The following DCAF6 variants were observed in gnomAD, a reference collection of about 807,000 sequenced individuals.
The protein encoded by DCAF6 is DDB1- and CUL4-associated factor 6.
A neutral mutation model predicts 125.1 loss-of-function variants in DCAF6; 54 were observed. The observed-to-expected ratio is 0.43, with a 90% CI of 0.35 to 0.54. The LOEUF (loss-of-function observed/expected upper bound fraction) is 0.54. DCAF6 is among the 20% of genes least tolerant of loss of function. The pLI, the probability that DCAF6 is intolerant of heterozygous loss-of-function variation, is 0.01. For missense variants in DCAF6, 934 were observed against 1,161.7 expected (o/e 0.80, Z 2.85); for synonymous variants, 371 against 390.4 (o/e 0.95, Z 0.58).
the DCAF6 span, chr1:167,916,904 T>C: frequency 6.6e-6 from 1 of 152,238 alleles, no homozygotes; most frequent in Non-Finnish European, 1.5e-5. Flanking sequence ...AACCTCTTCA[T>C]TGTGGCCTAT....
chr1:167,870,427 T>C, the DCAF6 span: 2 of 1,591,892 alleles, frequency 1.3e-6, no homozygotes, highest in East Asian at 4.5e-5. Context: ...TTTTTAGTTT[T>C]AAAAAAGAGC....
At chr1:167,913,591 T>C in the DCAF6 span, among the ~76,000 whole-genome samples, 11 of 152,224 alleles carry the variant, frequency 7.2e-5, no homozygotes, top group Non-Finnish European at 1.3e-4. Context: ...TTCATCTGAA[T>C]TGTAAGCTCC....
At chr1:167,918,279 T>C in the DCAF6 span, 1 of 1,475,638 alleles carries the variant, frequency 6.8e-7, no homozygotes, top group South Asian at 1.2e-5. Context: ...TAGGTCCCAA[T>C]GGTTTTGTCC....
intron 10 of DCAF6, among the ~76,000 whole-genome samples, chr1:168,005,128 T>C (rs114386721): frequency 0.01 from 1,590 of 152,272 alleles, 34 homozygotes; most frequent in African/African-American, 0.035. Context: ...ATTTATTTGG[T>C]TTTATGTCTA....
the DCAF6 span, among the ~76,000 whole-genome samples, chr1:167,897,356 G>T: frequency 2.0e-5 from 3 of 150,622 alleles, no homozygotes; most frequent in Non-Finnish European, 4.4e-5. Flanking sequence ...AATTAGCCAG[G>T]TGTAGTGGCA....
chr1:167,878,759 C>A, the DCAF6 span: 7,571 of 976,878 alleles, frequency 7.8e-3, 166 homozygotes, highest in African/African-American at 0.073. Context: ...ATGAGTGACA[C>A]AGAAGCCTAG....
chr1:167,923,828 G>A, the DCAF6 span, among the ~76,000 whole-genome samples: 1 of 152,114 alleles, frequency 6.6e-6, no homozygotes, highest in African/African-American at 2.4e-5. Flanking sequence ...GTAGGTCTGT[G>A]ATGGGGCCTA....
rs752448825 is a variant in DCAF6 at position 168,037,103 on chromosome 1, C to CTT, written c.1610-1268_1610-1267insTT. Among the ~76,000 whole-genome samples the CTT allele has an allele frequency of 7.4e-5, 11 of 148,316 alleles. No individual in the cohort carries two copies. In the East Asian group the frequency reaches 7.8e-4, roughly 11 times the overall value. On this transcript the variant is annotated intron_variant, in intron 12 of 21. Transcript: ENST00000367840. ...AGAGGTTCTATGAGATTCTCCCCCC[C>CTT]CTTTTTTTTTTTTTTTTTGAGATGA...
At chr1:168,009,285 A>C (rs1683838055) in intron 10 of DCAF6, among the ~76,000 whole-genome samples, 1 of 151,602 alleles carries the variant, frequency 6.6e-6, no homozygotes, top group Non-Finnish European at 1.5e-5. Context: ...GGCGTGAGCC[A>C]CTGTGCCCTG....
the DCAF6 span, chr1:167,880,106 C>T: frequency 6.2e-7 from 1 of 1,609,942 alleles, no homozygotes; most frequent in South Asian, 1.1e-5. Context: ...ATGAGCTGAC[C>T]CAGCACACCT....
At chr1:167,957,546 G>C (rs1674969558) in intron 2 of DCAF6, among the ~76,000 whole-genome samples, 1 of 151,982 alleles carries the variant, frequency 6.6e-6, no homozygotes, top group Non-Finnish European at 1.5e-5. Flanking sequence ...TGGATATTTG[G>C]GTTGTTTCCA....
intron 1 of DCAF6, among the ~76,000 whole-genome samples, chr1:167,944,753 A>G (rs111631754): frequency 0.012 from 1,806 of 152,192 alleles, 38 homozygotes; most frequent in African/African-American, 0.042. Context: ...ATTCAACAGG[A>G]TTGGTTGTCT....
chr1:167,931,944 TTAAAG>T (rs1211508225), upstream of DCAF6, among the ~76,000 whole-genome samples: 1 of 152,210 alleles, frequency 6.6e-6, no homozygotes, highest in African/African-American at 2.4e-5. Flanking sequence ...TATTTAGACT[TTAAAG>T]TAACTTTTCC....
chr1:167,976,886 GTTTTTTTTTTTTTT>G (rs397981860), intron 4 of DCAF6, among the ~76,000 whole-genome samples: 40 of 38,060 alleles, frequency 1.1e-3, no homozygotes, highest in Admixed American at 2.3e-3. Context: ...TCCTTTAGCA[GTTTTTTTTTTTTTT>G]TTTTTTTTTT....
chr1:168,022,599 G>A (rs934780706), intron 11 of DCAF6, among the ~76,000 whole-genome samples: 1 of 152,098 alleles, frequency 6.6e-6, no homozygotes. Flanking sequence ...TTCATGCTTC[G>A]AATCCTCCAA....
chr1:168,035,214 G>A (rs1269031952), intron 12 of DCAF6, among the ~76,000 whole-genome samples: 1 of 152,186 alleles, frequency 6.6e-6, no homozygotes, highest in Non-Finnish European at 1.5e-5. Context: ...GAGAGGCCAA[G>A]GCAGACGGAT....
chr1:167,883,355 G>C, the DCAF6 span: 3 of 1,491,884 alleles, frequency 2.0e-6, no homozygotes, highest in South Asian at 3.4e-5. Flanking sequence ...TAAATTTCCT[G>C]TGTCTATTCT....
At chr1:167,937,975 TAA>T (rs1346366683) in intron 1 of DCAF6, among the ~76,000 whole-genome samples, 2 of 152,136 alleles carry the variant, frequency 1.3e-5, no homozygotes, top group African/African-American at 4.8e-5. Context: ...TGATTTCAAG[TAA>T]AGAGAAGAAA....
Position 168,043,145 on chromosome 1 carries a change from G to C in DCAF6, c.1843+5G>C. ...CAGAAGGAGACAGTGAAACAAGTAA[G>C]GTGTTATTTTGCTTTTGTTGTTATA... On this transcript the variant is annotated splice_donor_5th_base_variant and intron_variant, in intron 14 of 21. Coordinates refer to ENST00000367840, the MANE Select transcript of DCAF6 (RefSeq NM_001198956.2). 2 of 1,605,314 alleles carry C rather than the reference G, an allele frequency of 1.2e-6. No individual in the cohort carries two copies. The highest frequency in any genetic ancestry group is 1.7e-6 in the Non-Finnish European group (2 of 1,173,358).
Sources: gnomAD v4.1 joint callset for allele counts (sites outside exome capture counted in the v4.1 genomes callset) on GRCh38, gnomAD v4.1.1 for gene constraint, MANE v1.5 for transcripts, NCBI Gene and HGNC (gene_info 2026-07-23, HGNC 2026-07-21) for gene names.